The following CCNT1 variants were observed in gnomAD, a reference collection of about 807,000 sequenced individuals.
The protein encoded by CCNT1 is cyclin T1, also known as cyclin-T1.
Under a neutral mutation model 67.3 loss-of-function variants are expected in CCNT1, and 18 were observed. That is an observed-to-expected ratio of 0.27 (90% CI 0.18 to 0.40). The LOEUF is 0.40. Among genes scored for constraint, CCNT1 ranks in the 10% least tolerant of loss-of-function variants. CCNT1 has a pLI of 1.00. For missense variants in CCNT1, 744 were observed against 884.9 expected (o/e 0.84, Z 2.02); for synonymous variants, 333 against 310.3 (o/e 1.07, Z -0.77).
intron 2 of CCNT1, among the ~76,000 whole-genome samples, chr12:48,712,261 C>T (rs1455603269): frequency 4.6e-5 from 7 of 152,050 alleles, no homozygotes; most frequent in South Asian, 4.1e-4. Flanking sequence ...TCTAAGGATA[C>T]GAAATAAGCA....
chr12:48,689,802 A>C lies in CCNT1; in HGVS notation c.*3231T>G, dbSNP rs1044527803. Reference sequence around the variant, plus strand: ...ATGTATGTGGAGGAGTATGCATTTCAATATGGAGAATTAAGTAGCAGAGGT... The same window carrying C: ...ATGTATGTGGAGGAGTATGCATTTCCATATGGAGAATTAAGTAGCAGAGGT... On this transcript the variant is annotated 3_prime_UTR_variant, in exon 9 of 9. Coordinates refer to ENST00000261900, the MANE Select transcript of CCNT1 (RefSeq NM_001240.4). 9.2e-5 allele frequency: 14 copies of C among 152,220 alleles called. No homozygotes were observed. Among genetic ancestry groups the C allele is most frequent in the Non-Finnish European group, 4.4e-5 (3 of 68,038 alleles). The allele number at this position is 152,220 out of a possible 1,614,324, so 9.4% of individuals were successfully genotyped here.
chr12:48,694,586 C>A (rs1940140713), intron 8 of CCNT1, 150 bp from the exon 9 acceptor site: 1 of 638,622 alleles, frequency 1.6e-6, no homozygotes, highest in Non-Finnish European at 2.7e-6. Flanking sequence ...ATAAATATTA[C>A]CATCAAGAGA....
intron 1 of CCNT1, among the ~76,000 whole-genome samples, chr12:48,715,997 C>T (rs1439215538): frequency 6.6e-6 from 1 of 152,198 alleles, no homozygotes; most frequent in Non-Finnish European, 1.5e-5. Flanking sequence ...ATAGACAAGA[C>T]GGCCAAAAAT....
chr12:48,700,970 A>C, intron 4 of CCNT1, 43 bp downstream of exon 4: 2 of 1,177,156 alleles, frequency 1.7e-6, no homozygotes, highest in East Asian at 4.8e-5. Flanking sequence ...AAATCATTTT[A>C]TTGCATAATT....
At chr12:48,705,674 T>C (rs764271861) in intron 3 of CCNT1, 94 bp downstream of exon 3, 40 of 958,586 alleles carry the variant, frequency 4.2e-5, no homozygotes, top group Middle Eastern at 2.2e-4. Flanking sequence ...TTAAGTTGCA[T>C]TGAAATACAT....
At position 48,693,653 on chromosome 12, in the gene CCNT1, G is replaced by A. The variant is rs767245574; in HGVS notation, c.1561C>T (p.His521Tyr). 6.2e-7 allele frequency: 1 copy of A among 1,600,732 alleles called. No homozygotes were observed. The highest frequency in any genetic ancestry group is 2.2e-5 in the East Asian group (1 of 44,830). ...KTHPSNHHHH[H>Y]NHHSHKHSHS... The stretch of plus-strand genomic sequence containing the variant: ...GAGTGCTTGTGTGAGTGGTGATTAT[G>A]ATGATGATGATGATTAGATGGGTGA... Residue 521 changes from histidine to tyrosine, a missense_variant, in exon 9 of 9, where the codon CAT becomes TAT. His to Tyr is a moderately conservative substitution (Grantham distance 83). This residue lies in a region of CCNT1 where 564 missense variants were observed against 574.2 expected (regional missense o/e 0.98). Transcript: ENST00000261900.
At chr12:48,713,754 A>C (rs1332890243) in intron 2 of CCNT1, among the ~76,000 whole-genome samples, 1 of 152,214 alleles carries the variant, frequency 6.6e-6, no homozygotes, top group East Asian at 1.9e-4. Flanking sequence ...ACTGCATTCC[A>C]CCATGGACAA....
chr12:48,711,373 C>T (rs1453204135), intron 2 of CCNT1, among the ~76,000 whole-genome samples: 1 of 151,450 alleles, frequency 6.6e-6, no homozygotes, highest in African/African-American at 2.4e-5. Context: ...GAGTGAGACT[C>T]CATCTCAAAA....
At chr12:48,714,610 G>T in intron 1 of CCNT1, 86 bp from the exon 2 acceptor site, 1 of 755,730 alleles carries the variant, frequency 1.3e-6, no homozygotes. Context: ...AGGATGAAAT[G>T]GCCAAGCAAG....
At chr12:48,704,244 T>C (rs1455379336) in intron 3 of CCNT1, among the ~76,000 whole-genome samples, 2 of 152,234 alleles carry the variant, frequency 1.3e-5, no homozygotes, top group Non-Finnish European at 2.9e-5. Context: ...TGGCCTGTTA[T>C]GAACTAGGCC....
intron 3 of CCNT1, chr12:48,705,493 A>C: frequency 3.1e-6 from 1 of 319,078 alleles, no homozygotes; most frequent in Non-Finnish European, 5.7e-6. Context: ...GGTTGGTCTT[A>C]AACTTCTGGC....
rs1940035012 is a variant in CCNT1 at position 48,689,277 on chromosome 12, G to A, written c.*3756C>T. 6.6e-6 allele frequency: 1 copy of A among 152,116 alleles called. No homozygotes were observed. Among genetic ancestry groups the A allele is most frequent in the Non-Finnish European group, 1.5e-5 (1 of 68,036 alleles). The allele number at this position is 152,116 out of a possible 1,614,324, so 9.4% of individuals were successfully genotyped here. Reference sequence around the variant, plus strand: ...AAAACTTTAGAAACATTAAAATGGAGAACTCTCTCACCCAAAAAGTAATTC... The same window carrying A: ...AAAACTTTAGAAACATTAAAATGGAAAACTCTCTCACCCAAAAAGTAATTC... On this transcript the variant is annotated 3_prime_UTR_variant, in exon 9 of 9. Coordinates refer to ENST00000261900, the MANE Select transcript of CCNT1 (RefSeq NM_001240.4).
At chr12:48,716,307 C>A (rs1424741489) in intron 1 of CCNT1, among the ~76,000 whole-genome samples, 1 of 152,252 alleles carries the variant, frequency 6.6e-6, no homozygotes, top group Non-Finnish European at 1.5e-5. Context: ...AGGCTGGCGG[C>A]ACGGGTGAGC....
intron 2 of CCNT1, among the ~76,000 whole-genome samples, chr12:48,710,966 C>A (rs1940440468): frequency 6.6e-6 from 1 of 151,928 alleles, no homozygotes; most frequent in African/African-American, 2.4e-5. Flanking sequence ...GAGGCTGAGA[C>A]AGGAGAATTG....
At chr12:48,701,591 T>C (rs551541976) in intron 3 of CCNT1, among the ~76,000 whole-genome samples, 2 of 152,134 alleles carry the variant, frequency 1.3e-5, no homozygotes, top group South Asian at 4.1e-4. Flanking sequence ...ATTAAAAGTA[T>C]GTATTTTTTG....
chr12:48,707,499 G>A (rs1322365010), intron 2 of CCNT1, among the ~76,000 whole-genome samples: 1 of 151,878 alleles, frequency 6.6e-6, no homozygotes, highest in African/African-American at 2.4e-5. Context: ...TGTCCAGGCT[G>A]CTCAAACTCC....
chr12:48,708,978 AAG>A (rs1250295555), intron 2 of CCNT1, among the ~76,000 whole-genome samples: 14 of 152,138 alleles, frequency 9.2e-5, no homozygotes, highest in Non-Finnish European at 1.5e-4. Flanking sequence ...TAGTCTTGGT[AAG>A]GTGGAAGGAT....
In CCNT1 at chr12:48,693,769, A is replaced by C; in HGVS notation, c.1445T>G (p.Met482Arg). The change falls in exon 9 of 9, where the codon ATG (methionine) becomes AGG (arginine). Residue 482 changes from methionine (M) to arginine (R), a missense_variant. Physicochemically the swap from Met to Arg is moderately conservative, Grantham distance 91. Around this residue, in one of 3 missense-constraint regions of CCNT1, gnomAD observed 564 missense variants for 574.2 expected, o/e 0.98. Coordinates refer to ENST00000261900, the MANE Select transcript of CCNT1 (RefSeq NM_001240.4). ...AASSKPEEIK[M>R]RIKVHAAADK... Reference sequence around the variant, plus strand: ...AGCTGCAGCATGGACTTTTATGCGCATTTTTATCTCCTCTGGTTTTGAAGA... The same window carrying C: ...AGCTGCAGCATGGACTTTTATGCGCCTTTTTATCTCCTCTGGTTTTGAAGA... 1 of 1,614,054 alleles carries C rather than the reference A, an allele frequency of 6.2e-7. No individual in the cohort carries two copies.
chr12:48,694,145 G>A lies in CCNT1; in HGVS notation c.1069C>T (p.Leu357Phe), dbSNP rs1262307161. ...GGTAAGGAATGATCAACTCCTGTAAGTGCTAAATTCTCACTAGTCCGATGA... is the reference window on the plus strand; with the variant it reads ...GGTAAGGAATGATCAACTCCTGTAAATGCTAAATTCTCACTAGTCCGATGA... ...QGHRTSENLA[L>F]TGVDHSLPQD... is the part of the protein sequence containing the mutation. Residue 357 changes from leucine (L) to phenylalanine (F), a missense_variant, in exon 9 of 9, where the codon CTT (leucine) becomes TTT (phenylalanine). By Grantham distance (22) the Leu-to-Phe change is conservative. Coordinates refer to ENST00000261900, the MANE Select transcript of CCNT1 (RefSeq NM_001240.4). The A allele has an allele frequency of 4.3e-6, 7 of 1,614,092 alleles. No individual in the cohort carries two copies. The African/African-American group carries it at 5.3e-5, about 12-fold the overall frequency.
Sources: gnomAD v4.1 joint callset for allele counts (sites outside exome capture counted in the v4.1 genomes callset) on GRCh38, gnomAD v4.1.1 for gene constraint, gnomAD v4.1.1 regional missense constraint, MANE v1.5 for transcripts, NCBI Gene and HGNC (gene_info 2026-07-23, HGNC 2026-07-21) for gene names.